Variants in PPP4R1 observed in about 807,000 individuals in gnomAD.
PPP4R1 encodes protein phosphatase 4 regulatory subunit 1, also known as serine/threonine-protein phosphatase 4 regulatory subunit 1.
PPP4R1 carries 42 observed loss-of-function variants against 111.2 expected under a neutral mutation model. The observed-to-expected ratio is 0.38, with a 90% CI of 0.29 to 0.49. The LOEUF is 0.49. Ranked by LOEUF, PPP4R1 falls within the 20% of genes least tolerant of loss-of-function variation. The pLI, the probability that PPP4R1 is intolerant of heterozygous loss-of-function variation, is 0.97. For synonymous variants in PPP4R1, 409 were observed against 405.5 expected, an observed-to-expected ratio of 1.01 and a Z score of -0.10; for missense variants, 1,012 against 1,161.6, an observed-to-expected ratio of 0.87 and a Z score of 1.87.
intron 10 of PPP4R1, among the ~76,000 whole-genome samples, chr18:9,576,742 A>G (rs1036825820): frequency 3.7e-5 from 3 of 80,592 alleles, no homozygotes; most frequent in Admixed American, 2.2e-4. Context: ...GTAGATATCA[A>G]TGAATGATTG....
rs757569750 is a variant in PPP4R1 at position 9,562,057 on chromosome 18, GAA to G, written c.1763_1764del (p.Leu588ProfsTer13). 1 of 1,611,358 alleles carries G rather than the reference GAA, an allele frequency of 6.2e-7. No homozygotes were observed. The highest frequency in any genetic ancestry group is 1.1e-5 in the South Asian group (1 of 90,972). ...AAGTCTGAATCGCTGTGAATATAGT[GAA>G]GAGTGGAGTCCATATTCTGTTAGGA... ...SDAVENMDST[L>X]HYIHSDSDLS... On this transcript the variant is annotated frameshift_variant, in exon 13 of 20. Coordinates refer to ENST00000400556, the MANE Select transcript of PPP4R1 (RefSeq NM_001042388.3). LOFTEE classifies it high-confidence loss of function.
chr18:9,613,593 G>C (rs1469550758), intron 2 of PPP4R1: 2 of 152,058 alleles, frequency 1.3e-5, no homozygotes, highest in African/African-American at 4.8e-5. Context: ...CCGCATTAAA[G>C]AAATATGCTC....
At chr18:9,559,752 G>A in intron 13 of PPP4R1, 148 bp from the exon 14 acceptor site, 2 of 387,620 alleles carry the variant, frequency 5.2e-6, no homozygotes, top group South Asian at 1.3e-4. Flanking sequence ...AAATGTTCAG[G>A]TATCTAATAA....
chr18:9,566,861 GA>G (rs1037857210), intron 11 of PPP4R1, among the ~76,000 whole-genome samples: 4 of 152,132 alleles, frequency 2.6e-5, no homozygotes, highest in Non-Finnish European at 5.9e-5. Context: ...CTATGGCTTA[GA>G]AAAATATTCC....
rs201176037 is a variant in PPP4R1, at chr18:9,547,900, G to A, written c.2742C>T (p.Ile914=). The change falls in exon 20 of 20, where the codon ATC becomes ATT. Residue 914 remains isoleucine, a synonymous_variant. Transcript: ENST00000400556. Reference sequence around the variant, plus strand: ...TGTCACGGTCCATCTGAAGAGCCATGATGGTCTGCTCCACAGCCTCCTGGT... The same window carrying A: ...TGTCACGGTCCATCTGAAGAGCCATAATGGTCTGCTCCACAGCCTCCTGGT... The part of the protein sequence containing the change: ...SCHQEAVEQT[I]MALQMDRDSD... The A allele has an allele frequency of 6.2e-7, 1 of 1,613,990 alleles. No individual in the cohort carries two copies. Among genetic ancestry groups the A allele is most frequent in the South Asian group, 1.1e-5 (1 of 91,072 alleles).
chr18:9,614,178 G>T lies in PPP4R1; in HGVS notation c.52+48C>A. On this transcript the variant is annotated intron_variant, in intron 2 of 19. Transcript: ENST00000400556. The surrounding 1 kb of genome is among the most constrained non-coding windows in gnomAD (Gnocchi z 4.1). ...GGCCTCGCCGCCGCCCGCCCTCCCC[G>T]GCCGCTCCCCGCGGACTGCCAGGCC... 7.7e-7 allele frequency: 1 copy of T among 1,306,550 alleles called. No individual in the cohort carries two copies. Among genetic ancestry groups the T allele is most frequent in the African/African-American group, 1.6e-5 (1 of 63,442 alleles). The allele number at this position is 1,306,550 out of a possible 1,614,324, so 80.9% of individuals were successfully genotyped here. A position where few individuals can be genotyped will look rare whatever the true frequency, so the allele number is the denominator to read the frequency against.
intron 11 of PPP4R1, 105 bp from the exon 12 acceptor site, chr18:9,563,655 T>C (rs1489345960): frequency 3.8e-6 from 4 of 1,064,686 alleles, no homozygotes; most frequent in South Asian, 2.3e-5. Flanking sequence ...ATATATACTT[T>C]TTTGACACTG....
At chr18:9,575,995 C>G (rs1387871247) in intron 10 of PPP4R1, among the ~76,000 whole-genome samples, 1 of 152,166 alleles carries the variant, frequency 6.6e-6, no homozygotes, top group Non-Finnish European at 1.5e-5. Flanking sequence ...AAAGTCCTGG[C>G]AGCACCTGTT....
chr18:9,560,462 G>GT (rs1319621507), intron 13 of PPP4R1, among the ~76,000 whole-genome samples: 1 of 151,812 alleles, frequency 6.6e-6, no homozygotes, highest in Non-Finnish European at 1.5e-5. Context: ...AAAACTGGTT[G>GT]TATCTCAGGA....
intron 19 of PPP4R1, 139 bp downstream of exon 19, chr18:9,549,057 CG>C (rs2066446341): frequency 1.8e-6 from 2 of 1,098,194 alleles, no homozygotes; most frequent in Non-Finnish European, 2.6e-6. Context: ...GGAGAATCAC[CG>C]GAACAACTAA....
upstream of PPP4R1, chr18:9,614,605 C>CGG: frequency 1.9e-6 from 1 of 533,396 alleles, no homozygotes; most frequent in Non-Finnish European, 2.4e-6. The surrounding 1 kb of genome is among the most constrained non-coding windows in gnomAD (Gnocchi z 4.1). Context: ...GCCGGGCTGG[C>CGG]GGGGGCGCGC....
rs2066449807 is a variant in PPP4R1 at position 9,549,250 on chromosome 18, G to C, written c.2636C>G (p.Pro879Arg). ...HLLTLANDRV[P>R]NVRVLLAKTL... Reference sequence around the variant, plus strand: ...CTTTGCAAGCAGCACTCGCACGTTAGGAACCCTGTCATTTGCTAAGGTTAG... The same window carrying C: ...CTTTGCAAGCAGCACTCGCACGTTACGAACCCTGTCATTTGCTAAGGTTAG... Residue 879 changes from proline (P) to arginine (R), a missense_variant, in exon 19 of 20, where the codon CCT becomes CGT. Pro to Arg is a moderately radical substitution (Grantham distance 103, BLOSUM62 -2). This residue lies in a region of PPP4R1 where 305 missense variants were observed against 419.5 expected (regional missense o/e 0.73). Transcript: ENST00000400556. The C allele has an allele frequency of 3.1e-6, 5 of 1,613,962 alleles. No individual in the cohort carries two copies. The highest frequency in any genetic ancestry group is 4.2e-6 in the Non-Finnish European group (5 of 1,179,956).
intron 13 of PPP4R1, among the ~76,000 whole-genome samples, chr18:9,560,495 GA>G (rs56863543): frequency 0.2 from 30,353 of 151,882 alleles, 3,368 homozygotes; most frequent in East Asian, 0.49. Flanking sequence ...GAGTGGAGAA[GA>G]AAAAACTGAG....
intron 4 of PPP4R1, among the ~76,000 whole-genome samples, chr18:9,591,928 G>A (rs1226839184): frequency 1.3e-5 from 2 of 152,120 alleles, no homozygotes. Flanking sequence ...TTAACTGGGT[G>A]TAGTGGCACA....
At chr18:9,555,907 T>G (rs529455962) in intron 15 of PPP4R1, among the ~76,000 whole-genome samples, 3 of 151,516 alleles carry the variant, frequency 2.0e-5, no homozygotes, top group Non-Finnish European at 2.9e-5. Flanking sequence ...GAGGCCAAGG[T>G]GGGCGGATCA....
intron 11 of PPP4R1, among the ~76,000 whole-genome samples, chr18:9,568,240 G>GT (rs2066802107): frequency 6.6e-6 from 1 of 152,054 alleles, no homozygotes; most frequent in African/African-American, 2.4e-5. Context: ...GCCCAAACTG[G>GT]TCTCAAACTC....
intron 2 of PPP4R1, among the ~76,000 whole-genome samples, chr18:9,606,165 C>A (rs1017974596): frequency 6.6e-6 from 1 of 152,142 alleles, no homozygotes. Flanking sequence ...AATACTTATT[C>A]TACATTAAGC....
chr18:9,549,526 T>C (rs2066454837), intron 18 of PPP4R1, among the ~76,000 whole-genome samples, 188 bp from the exon 19 acceptor site: 1 of 152,210 alleles, frequency 6.6e-6, no homozygotes, highest in Non-Finnish European at 1.5e-5. Context: ...CAGACACAGT[T>C]TTTAAACTGC....
chr18:9,558,249 G>A (rs1598895749), intron 14 of PPP4R1, among the ~76,000 whole-genome samples: 1 of 152,212 alleles, frequency 6.6e-6, no homozygotes, highest in South Asian at 2.1e-4. Flanking sequence ...TAAGACAGAT[G>A]AAGGCAGAGA....
Sources: allele counts gnomAD v4.1 joint callset (sites outside exome capture counted in the v4.1 genomes callset), GRCh38; gene constraint gnomAD v4.1.1; regional missense constraint gnomAD v4.1.1; non-coding constraint Gnocchi (gnomAD v3.1); transcripts MANE v1.5; gene names NCBI Gene and HGNC (gene_info 2026-07-23, HGNC 2026-07-21).